Variants in CFHR2 observed in about 807,000 individuals in gnomAD.
CFHR2 encodes the protein complement factor H-related protein 2.
A neutral mutation model predicts 21.7 loss-of-function variants in CFHR2; 22 were observed. The observed-to-expected ratio is 1.01, with a 90% CI of 0.72 to 1.45. CFHR2 has a LOEUF of 1.45. CFHR2 is among the 40% of genes most tolerant of loss of function. CFHR2 has a pLI of 0.00. For synonymous variants in CFHR2, 98 were observed against 97.4 expected (o/e 1.01, Z -0.04); for missense variants, 294 against 293.3 (o/e 1.00, Z -0.02).
chr1:196,952,388 T>G (rs1402824245), intron 3 of CFHR2, among the ~76,000 whole-genome samples: 2 of 144,696 alleles, frequency 1.4e-5, no homozygotes, highest in Non-Finnish European at 3.0e-5. Context: ...GGATTAAACA[T>G]TATTAATATT....
chr1:196,951,100 A>G, intron 3 of CFHR2, 72 bp downstream of exon 3: 2 of 1,531,746 alleles, frequency 1.3e-6, no homozygotes, highest in Non-Finnish European at 1.8e-6. Context: ...TTTTTTACAG[A>G]TTAAATATAG....
In CFHR2 at chr1:196,959,188, A is replaced by T; in HGVS notation, c.*108A>T. Reference sequence around the variant, plus strand: ...ACTGTTTTACTCATTTTTATTCATAAATAAAGTTTTGTGTTGATTTGTGAA... The same window carrying T: ...ACTGTTTTACTCATTTTTATTCATATATAAAGTTTTGTGTTGATTTGTGAA... On this transcript the variant is annotated 3_prime_UTR_variant, in exon 5 of 5. Coordinates refer to ENST00000367415, the MANE Select transcript of CFHR2 (RefSeq NM_005666.4). 4 of 848,812 alleles carry T rather than the reference A, an allele frequency of 4.7e-6. No individual in the cohort carries two copies. The South Asian group carries it at 8.0e-5, about 17-fold the overall frequency. 52.6% of individuals were successfully genotyped at this position (848,812 alleles called of 1,614,324 possible).
intron 1 of CFHR2, among the ~76,000 whole-genome samples, chr1:196,949,055 T>C (rs1298987378): frequency 6.6e-6 from 1 of 152,000 alleles, no homozygotes; most frequent in East Asian, 1.9e-4. Flanking sequence ...TGACAGTCAA[T>C]GAGAATAGAG....
chr1:196,957,135 G>A (rs571731474), intron 3 of CFHR2, among the ~76,000 whole-genome samples: 1 of 152,142 alleles, frequency 6.6e-6, no homozygotes, highest in African/African-American at 2.4e-5. Flanking sequence ...GGGCTTTTGG[G>A]TATAGAAAGT....
At chr1:196,950,713 T>G in intron 2 of CFHR2, 139 bp from the exon 3 acceptor site, 1 of 889,988 alleles carries the variant, frequency 1.1e-6, no homozygotes, top group Non-Finnish European at 1.7e-6. Flanking sequence ...CCTCAAATGA[T>G]CCACTCACCT....
intron 3 of CFHR2, among the ~76,000 whole-genome samples, chr1:196,956,043 C>G (rs948327334): frequency 6.6e-6 from 1 of 152,096 alleles, no homozygotes; most frequent in Non-Finnish European, 1.5e-5. Context: ...TGAACTCACT[C>G]ACTATCATGA....
At chr1:196,952,355 C>T (rs978129734) in intron 3 of CFHR2, among the ~76,000 whole-genome samples, 1 of 152,014 alleles carries the variant, frequency 6.6e-6, no homozygotes, top group Non-Finnish European at 1.5e-5. Context: ...ACAGTTAAGT[C>T]ATAGCCTCTT....
At chr1:196,958,137 G>C in intron 4 of CFHR2, 64 bp downstream of exon 4, 1 of 1,483,600 alleles carries the variant, frequency 6.7e-7, no homozygotes. Context: ...ATATTTCACT[G>C]TTTGTAATAG....
chr1:196,950,462 GTTTGTTTTGT>G lies in CFHR2; in HGVS notation c.254-371_254-362del, dbSNP rs368906118. Among the ~76,000 whole-genome samples the G allele has an allele frequency of 3.3e-3, 500 of 151,732 alleles. 3 individuals are homozygous for G. Among genetic ancestry groups the G allele is most frequent in the Non-Finnish European group, 4.4e-3 (300 of 67,832 alleles). The stretch of plus-strand genomic sequence containing the variant: ...AGCTTTCCTTTTTGGTTTTTTGTTT[GTTTGTTTTGT>G]TTTGTTTTGTTTTGTTTTTGAGACA... On this transcript the variant is annotated intron_variant, in intron 2 of 4. Transcript: ENST00000367415.
In CFHR2 at chr1:196,959,331, T is replaced by C. The variant is rs1653030984; in HGVS notation, c.*251T>C. Reference sequence around the variant, plus strand: ...TAAAAAAATTGACAATAACTGTATATATTCATGGAGTACATAGTAATGTTT... The same window carrying C: ...TAAAAAAATTGACAATAACTGTATACATTCATGGAGTACATAGTAATGTTT... On this transcript the variant is annotated 3_prime_UTR_variant, in exon 5 of 5. Coordinates refer to ENST00000367415, the MANE Select transcript of CFHR2 (RefSeq NM_005666.4). 1 of 378,636 alleles carries C rather than the reference T, an allele frequency of 2.6e-6. No homozygotes were observed. The highest frequency in any genetic ancestry group is 4.8e-6 in the Non-Finnish European group (1 of 209,922). 23.5% of individuals were successfully genotyped at this position (378,636 alleles called of 1,614,324 possible).
Position 196,959,407 on chromosome 1 carries a change from T to C in CFHR2, c.*327T>C, listed in dbSNP as rs1653032602. Among the ~76,000 whole-genome samples the C allele has an allele frequency of 1.3e-5, 2 of 152,062 alleles. No homozygotes were observed. The highest frequency in any genetic ancestry group is 1.3e-4 in the Admixed American group (2 of 15,256). ...GTTAGGGTAATTAGTATATCCATTA[T>C]CTCAAACATTTTTCATTTCTTTGGG... On this transcript the variant is annotated 3_prime_UTR_variant, in exon 5 of 5. Coordinates refer to ENST00000367415, the MANE Select transcript of CFHR2 (RefSeq NM_005666.4).
intron 1 of CFHR2, among the ~76,000 whole-genome samples, chr1:196,948,865 A>G (rs1659618759): frequency 6.6e-6 from 1 of 152,140 alleles, no homozygotes; most frequent in African/African-American, 2.4e-5. Flanking sequence ...CTCTAACTTT[A>G]TCTTGAGTTG....
intron 1 of CFHR2, among the ~76,000 whole-genome samples, chr1:196,946,623 G>A (rs1272107521): frequency 6.6e-6 from 1 of 152,114 alleles, no homozygotes; most frequent in African/African-American, 2.4e-5. Flanking sequence ...CAAAGGGTTA[G>A]GATCATCAGT....
chr1:196,948,373 T>C (rs1659597136), intron 1 of CFHR2, among the ~76,000 whole-genome samples: 1 of 152,162 alleles, frequency 6.6e-6, no homozygotes, highest in Non-Finnish European at 1.5e-5. Context: ...CCTCCTGGGT[T>C]CAAGTGATTC....
chr1:196,958,987 T>C lies in CFHR2; in HGVS notation c.720T>C (p.Val240=), dbSNP rs1653012951. The part of the protein sequence containing the change: ...YSRTGDIVEF[V]CKSGYHPTKS... The stretch of plus-strand genomic sequence containing the variant: ...GAACAGGTGACATAGTTGAATTTGT[T>C]TGTAAATCTGGATATCATCCAACAA... Residue 240 remains valine (V), a synonymous_variant, in exon 5 of 5, where the codon GTT becomes GTC. Coordinates refer to ENST00000367415, the MANE Select transcript of CFHR2 (RefSeq NM_005666.4). 2 of 1,612,144 alleles carry C rather than the reference T, an allele frequency of 1.2e-6. No homozygotes were observed. The highest frequency in any genetic ancestry group is 3.3e-5 in the Admixed American group (2 of 59,924).
intron 1 of CFHR2, 64 bp from the exon 2 acceptor site, chr1:196,949,391 A>G: frequency 1.4e-6 from 2 of 1,451,266 alleles, no homozygotes; most frequent in Admixed American, 2.1e-5. Flanking sequence ...TGATTAAAAT[A>G]TAGTCTAGTG....
Position 196,950,850 on chromosome 1 carries a change from A to T in CFHR2, c.254-2A>T, listed in dbSNP as rs763269840. ...GTCTATTAATCTGTTTTTGGTCTTT[A>T]GGACTGTGTTTCTTTCCTTTTGTGG... On this transcript the variant is annotated splice_acceptor_variant, in intron 2 of 4. Transcript: ENST00000367415. LOFTEE classifies it high-confidence loss of function. The T allele has an allele frequency of 4.3e-6, 7 of 1,612,928 alleles. No homozygotes were observed. Among genetic ancestry groups the T allele is most frequent in the Admixed American group, 3.3e-5 (2 of 59,940 alleles).
intron 3 of CFHR2, among the ~76,000 whole-genome samples, chr1:196,956,900 G>A (rs1652905036): frequency 6.6e-6 from 1 of 152,060 alleles, no homozygotes; most frequent in South Asian, 2.1e-4. Flanking sequence ...TTGCTGCCAT[G>A]GTGGGTATAA....
intron 1 of CFHR2, among the ~76,000 whole-genome samples, chr1:196,944,989 G>T (rs1659424092): frequency 6.7e-6 from 1 of 148,838 alleles, no homozygotes; most frequent in Non-Finnish European, 1.5e-5. Flanking sequence ...CAATTCTCCT[G>T]CGTCAGCCTC....
Sources: gnomAD v4.1 joint callset for allele counts (sites outside exome capture counted in the v4.1 genomes callset) on GRCh38, gnomAD v4.1.1 for gene constraint, MANE v1.5 for transcripts, NCBI Gene and HGNC (gene_info 2026-07-23, HGNC 2026-07-21) for gene names.